EFNA5: variants seen among roughly 807,000 people sequenced by gnomAD.
The protein encoded by EFNA5 is ephrin-A5.
In EFNA5, 5 loss-of-function variants were observed where a neutral mutation model predicts 22.9. The ratio of observed to expected loss-of-function variants is 0.22; its 90% confidence interval spans 0.11 to 0.46. The LOEUF is 0.46. Ranked by LOEUF, EFNA5 falls within the 20% of genes least tolerant of loss-of-function variation. EFNA5 has a pLI of 0.99. For synonymous variants in EFNA5, 113 were observed against 112.2 expected (o/e 1.01, Z -0.04); for missense variants, 237 against 293.3 (o/e 0.81, Z 1.40).
intron 1 of EFNA5, among the ~76,000 whole-genome samples, chr5:107,569,447 A>G (rs972970936): frequency 1.4e-5 from 2 of 142,016 alleles, no homozygotes; most frequent in Admixed American, 7.2e-5. Context: ...ATATTTATAT[A>G]TGTGTGTGTA....
chr5:107,557,422 C>G (rs1057029527), intron 1 of EFNA5, among the ~76,000 whole-genome samples: 1 of 152,092 alleles, frequency 6.6e-6, no homozygotes. Context: ...TGAGTTTCAG[C>G]CACACGCTGC....
intron 1 of EFNA5, among the ~76,000 whole-genome samples, chr5:107,479,437 C>A (rs1750393174): frequency 6.6e-6 from 1 of 151,404 alleles, no homozygotes; most frequent in South Asian, 2.1e-4. Flanking sequence ...AATGCACTGA[C>A]CTCAATAAAT....
At chr5:107,670,366 G>C in intron 1 of EFNA5, 123 bp downstream of exon 1, 1 of 1,280,010 alleles carries the variant, frequency 7.8e-7, no homozygotes, top group Non-Finnish European at 1.0e-6. Flanking sequence ...ATCAGCGCCC[G>C]GGCGACGCAG....
chr5:107,410,274 C>A (rs1176964382), intron 2 of EFNA5, among the ~76,000 whole-genome samples: 1 of 152,056 alleles, frequency 6.6e-6, no homozygotes, highest in Non-Finnish European at 1.5e-5. Flanking sequence ...TTGTGATCTG[C>A]CTGCCTCAGC....
At chr5:107,665,485 G>C (rs1444217991) in intron 1 of EFNA5, among the ~76,000 whole-genome samples, 1 of 152,234 alleles carries the variant, frequency 6.6e-6, no homozygotes, top group Non-Finnish European at 1.5e-5. Flanking sequence ...TATTAGTTCA[G>C]TGAGCTGATG....
At chr5:107,445,165 G>A (rs559766386) in intron 1 of EFNA5, among the ~76,000 whole-genome samples, 1 of 152,154 alleles carries the variant, frequency 6.6e-6, no homozygotes, top group Non-Finnish European at 1.5e-5. Context: ...TTGGATTACA[G>A]GCATCCACCG....
chr5:107,626,487 C>T (rs1750143719), intron 1 of EFNA5, among the ~76,000 whole-genome samples: 1 of 152,046 alleles, frequency 6.6e-6, no homozygotes, highest in Non-Finnish European at 1.5e-5. Flanking sequence ...CTCTATGTTG[C>T]CCAGACTGGT....
chr5:107,641,296 T>C (rs932472124), intron 1 of EFNA5, among the ~76,000 whole-genome samples: 6 of 151,298 alleles, frequency 4.0e-5, no homozygotes, highest in South Asian at 2.1e-4. Context: ...AGGCAAAGGT[T>C]ACAGTGAGCA....
In EFNA5 at chr5:107,493,076, T is replaced by G. The variant is rs1239438525; in HGVS notation, c.126-65567A>C. 3.3e-5 allele frequency among the ~76,000 whole-genome samples: 5 copies of G among 152,010 alleles called. No individual in the cohort carries two copies. The South Asian group carries it at 8.3e-4, about 25-fold the overall frequency. The stretch of plus-strand genomic sequence containing the variant: ...AAAGCTAAAAAAATGCTTAAAAATA[T>G]ATACATTATTTTAGATTTGAAGCCA... On this transcript the variant is annotated intron_variant, in intron 1 of 4. Coordinates refer to ENST00000333274, the MANE Select transcript of EFNA5 (RefSeq NM_001962.3).
intron 1 of EFNA5, among the ~76,000 whole-genome samples, chr5:107,659,039 T>A (rs113374238): frequency 1.3e-5 from 2 of 152,184 alleles, no homozygotes; most frequent in African/African-American, 4.8e-5. Context: ...TATAATTATA[T>A]GTATAAAATT....
chr5:107,427,342 T>C lies in EFNA5; in HGVS notation c.293A>G (p.Lys98Arg). 3.1e-6 allele frequency: 5 copies of C among 1,614,136 alleles called. No individual in the cohort carries two copies. The highest frequency in any genetic ancestry group is 4.2e-6 in the Non-Finnish European group (5 of 1,180,000). Residue 98 changes from lysine to arginine, a missense_variant, in exon 2 of 5, where the codon AAG (lysine) becomes AGG (arginine). Transcript: ENST00000333274. Reference sequence around the variant, plus strand: ...GTGAGGCCGGTTACATTCCCATCTCTTGAACCCTTTGGAAGTGTGGTCGCA... The same window carrying C: ...GTGAGGCCGGTTACATTCCCATCTCCTGAACCCTTTGGAAGTGTGGTCGCA... ...SACDHTSKGF[K>R]RWECNRPHSP...
At chr5:107,522,192 A>G (rs114839862) in intron 1 of EFNA5, among the ~76,000 whole-genome samples, 4,394 of 152,318 alleles carry the variant, frequency 0.029, 174 homozygotes, top group African/African-American at 0.096. Context: ...ATTTGTACTC[A>G]CTAGCATGCA....
At chr5:107,494,841 TCAGCACCCTGTGTCTAGC>T (rs1746930083) in intron 1 of EFNA5, among the ~76,000 whole-genome samples, 1 of 151,940 alleles carries the variant, frequency 6.6e-6, no homozygotes, top group East Asian at 1.9e-4. Flanking sequence ...AACACACCAA[TCAGCACCCTGTGTCTAGC>T]TCAGGGTGCT....
intron 1 of EFNA5, among the ~76,000 whole-genome samples, chr5:107,661,737 G>C (rs1282331162): frequency 6.6e-6 from 1 of 152,112 alleles, no homozygotes; most frequent in African/African-American, 2.4e-5. Context: ...AGCACGTGAA[G>C]TTGTCTATAC....
chr5:107,509,049 A>T (rs894141462), intron 1 of EFNA5, among the ~76,000 whole-genome samples: 1 of 152,190 alleles, frequency 6.6e-6, no homozygotes, highest in Non-Finnish European at 1.5e-5. Context: ...CATTTGGACA[A>T]AGTGCTATTC....
rs1191133550 is a variant in EFNA5 at position 107,380,715 on chromosome 5, G to T, written c.*540C>A. On this transcript the variant is annotated 3_prime_UTR_variant, in exon 5 of 5. Transcript: ENST00000333274. The stretch of plus-strand genomic sequence containing the variant: ...CATTTACATACTCCTATAGGAAATG[G>T]TGTAATATCGTATCTATTCTTAATA... The T allele has an allele frequency of 2.5e-6, 1 of 398,538 alleles. No individual in the cohort carries two copies. Among genetic ancestry groups the T allele is most frequent in the East Asian group, 3.6e-5 (1 of 28,066 alleles). 24.7% of individuals were successfully genotyped at this position (398,538 alleles called of 1,614,324 possible). A position where few individuals can be genotyped will look rare whatever the true frequency, so the allele number is the denominator to read the frequency against.
In EFNA5 at chr5:107,598,144, C is replaced by T. The variant is rs559627324; in HGVS notation, c.125+72345G>A. Among the ~76,000 whole-genome samples, 3 of 152,118 alleles carry T rather than the reference C, an allele frequency of 2.0e-5. No homozygotes were observed. The South Asian group carries it at 6.2e-4, about 31-fold the overall frequency. On this transcript the variant is annotated intron_variant, in intron 1 of 4. Transcript: ENST00000333274. ...CCTACTATTTATTGAGGTCCTACCA[C>T]ATGTCAGATACAATGATAGGTGCTT...
In EFNA5 at chr5:107,381,139, A is replaced by G. The variant is rs1747444417; in HGVS notation, c.*116T>C. 4 of 1,398,654 alleles carry G rather than the reference A, an allele frequency of 2.9e-6. No individual in the cohort carries two copies. In the Admixed American group the frequency reaches 9.2e-5, roughly 32 times the overall value. The allele number at this position is 1,398,654 out of a possible 1,614,324, so 86.6% of individuals were successfully genotyped here. A position where few individuals can be genotyped will look rare whatever the true frequency, so the allele number is the denominator to read the frequency against. ...TCAGGCTGAAAGAAAGAAAACAAAA[A>G]TCTGACATCTGCCAAAACCCAATAA... is the stretch of plus-strand genomic sequence containing the variant. On this transcript the variant is annotated 3_prime_UTR_variant, in exon 5 of 5. Transcript: ENST00000333274.
At chr5:107,424,397 TA>T (rs1183845918) in intron 2 of EFNA5, among the ~76,000 whole-genome samples, 4 of 145,510 alleles carry the variant, frequency 2.7e-5, no homozygotes, top group Admixed American at 6.9e-5. Context: ...TTTTTTTTTT[TA>T]GTAGCGATGG....
Sources: allele counts gnomAD v4.1 joint callset (sites outside exome capture counted in the v4.1 genomes callset), GRCh38; gene constraint gnomAD v4.1.1; transcripts MANE v1.5; gene names NCBI Gene and HGNC (gene_info 2026-07-23, HGNC 2026-07-21).